RHBDD1: variants seen among roughly 807,000 people sequenced by gnomAD.
RHBDD1 encodes rhomboid domain containing 1, also known as rhomboid-related protein 4.
A neutral mutation model predicts 36.3 loss-of-function variants in RHBDD1; 38 were observed. The ratio of observed to expected loss-of-function variants is 1.05; its 90% CI spans 0.81 to 1.37. RHBDD1 has a LOEUF of 1.37. Among genes scored for constraint, RHBDD1 ranks in the 40% most tolerant of loss-of-function variants. RHBDD1 has a pLI of 0.00. For missense variants in RHBDD1, 393 were observed against 377.6 expected (o/e 1.04, Z -0.34); for synonymous variants, 151 against 136.5 (o/e 1.11, Z -0.74).
At chr2:226,906,989 C>T (rs768474008) in intron 6 of RHBDD1, 108 bp downstream of exon 6, 1 of 1,098,056 alleles carries the variant, frequency 9.1e-7, no homozygotes. Context: ...CAAGAATTCC[C>T]TAATATGCCT....
chr2:226,853,255 C>A (rs891711535), intron 3 of RHBDD1, among the ~76,000 whole-genome samples: 1 of 152,140 alleles, frequency 6.6e-6, no homozygotes, highest in Non-Finnish European at 1.5e-5. Context: ...TCTAAATGTT[C>A]CTGGTCTAGT....
upstream of RHBDD1, among the ~76,000 whole-genome samples, chr2:226,832,070 G>A (rs939801867): frequency 4.7e-5 from 7 of 149,338 alleles, no homozygotes; most frequent in South Asian, 2.1e-4. Context: ...AAAGGTTTAC[G>A]TTCCTCCTCT....
intron 8 of RHBDD1, among the ~76,000 whole-genome samples, chr2:226,916,646 G>A (rs1331533843): frequency 3.3e-5 from 5 of 152,206 alleles, no homozygotes; most frequent in African/African-American, 1.2e-4. Context: ...TTAAGAAAAT[G>A]TGTATTCTAA....
intron 3 of RHBDD1, among the ~76,000 whole-genome samples, chr2:226,861,242 G>A (rs925384555): frequency 6.6e-6 from 1 of 152,176 alleles, no homozygotes; most frequent in African/African-American, 2.4e-5. Flanking sequence ...AGTGTGTGCA[G>A]GAGAGAGTAG....
chr2:226,880,255 C>T (rs1945604401), intron 5 of RHBDD1, among the ~76,000 whole-genome samples: 1 of 152,078 alleles, frequency 6.6e-6, no homozygotes, highest in Non-Finnish European at 1.5e-5. Context: ...ATCAACATTC[C>T]AGGACTGTCC....
rs1288396297 is a variant in RHBDD1, at chr2:226,864,850, T to C, written c.157T>C (p.Cys53Arg). 6.2e-7 allele frequency: 1 copy of C among 1,614,250 alleles called. No homozygotes were observed. The highest frequency in any genetic ancestry group is 8.5e-7 in the Non-Finnish European group (1 of 1,180,050). ...CCCTCAGAAGCCACTGTATAGCTCC[T>C]GCCTTAGTGTGGAGAAGTGTTACCA... ...LNPQKPLYSS[C>R]LSVEKCYQQK... Residue 53 changes from cysteine (C) to arginine (R), a missense_variant, in exon 4 of 9, where the codon TGC becomes CGC. By Grantham distance (180) the Cys-to-Arg change is radical. Transcript: ENST00000392062.
intron 4 of RHBDD1, 127 bp from the exon 5 acceptor site, chr2:226,867,059 T>C: frequency 2.3e-6 from 2 of 881,152 alleles, no homozygotes; most frequent in East Asian, 2.6e-5. Context: ...AGGAATAGGG[T>C]ATGTTTTAAA....
intron 5 of RHBDD1, chr2:226,869,033 C>A: frequency 3.6e-6 from 1 of 278,508 alleles, no homozygotes; most frequent in Non-Finnish European, 5.4e-6. Context: ...GAAAATCACT[C>A]CCTCTGCTAT....
intron 3 of RHBDD1, among the ~76,000 whole-genome samples, chr2:226,856,214 A>T (rs1314830062): frequency 6.6e-6 from 1 of 152,218 alleles, no homozygotes; most frequent in Non-Finnish European, 1.5e-5. Context: ...CACAATTTAC[A>T]TGTTATTCAA....
chr2:226,991,721 A>G (rs1958257947), intron 8 of RHBDD1, among the ~76,000 whole-genome samples: 1 of 152,206 alleles, frequency 6.6e-6, no homozygotes, highest in Non-Finnish European at 1.5e-5. Context: ...GACCAAGAGC[A>G]AGAGGGTAGC....
chr2:226,854,202 T>G (rs1943100004), intron 3 of RHBDD1, among the ~76,000 whole-genome samples: 1 of 152,204 alleles, frequency 6.6e-6, no homozygotes, highest in African/African-American at 2.4e-5. Context: ...CTAAGTGTTT[T>G]ACCTATATTA....
At chr2:226,872,845 A>G (rs1280824524) in intron 5 of RHBDD1, among the ~76,000 whole-genome samples, 1 of 152,252 alleles carries the variant, frequency 6.6e-6, no homozygotes. Flanking sequence ...TGAGAATTAT[A>G]AACACAGGAA....
intron 8 of RHBDD1, among the ~76,000 whole-genome samples, chr2:226,953,214 A>T (rs998594849): frequency 2.6e-5 from 4 of 152,182 alleles, no homozygotes; most frequent in Non-Finnish European, 5.9e-5. Context: ...TTAGAGAGGA[A>T]TGAAATTTTT....
chr2:226,816,614 G>A, the RHBDD1 span, among the ~76,000 whole-genome samples: 51 of 152,242 alleles, frequency 3.3e-4, no homozygotes, highest in African/African-American at 1.1e-3. Context: ...CATAGGTCTA[G>A]GCCAGGCACA....
At chr2:226,854,749 T>G (rs1943159372) in intron 3 of RHBDD1, among the ~76,000 whole-genome samples, 1 of 152,182 alleles carries the variant, frequency 6.6e-6, no homozygotes, top group Non-Finnish European at 1.5e-5. Context: ...TAAAGATATT[T>G]TTTCCATAAA....
At chr2:226,919,745 G>C (rs1221641408) in intron 8 of RHBDD1, among the ~76,000 whole-genome samples, 1 of 152,060 alleles carries the variant, frequency 6.6e-6, no homozygotes, top group Non-Finnish European at 1.5e-5. Flanking sequence ...ATAATTCAAA[G>C]TGGGGTTATG....
rs188299786 is a variant in RHBDD1, at chr2:226,920,080, G to A, written c.856+5729G>A. ...TCCTAGGCATTTTATTTTACTTGTAGCTATTTTAAATATTTGTATTTAAAT... is the reference window on the plus strand; with the variant it reads ...TCCTAGGCATTTTATTTTACTTGTAACTATTTTAAATATTTGTATTTAAAT... On this transcript the variant is annotated intron_variant, in intron 8 of 8. Transcript: ENST00000392062. Among the ~76,000 whole-genome samples the A allele has an allele frequency of 2.9e-3, 446 of 151,422 alleles. 3 individuals carry two copies. The highest frequency in any genetic ancestry group is 0.014 in the Middle Eastern group (4 of 292).
chr2:226,818,870 C>T, the RHBDD1 span, among the ~76,000 whole-genome samples: 1 of 151,796 alleles, frequency 6.6e-6, no homozygotes, highest in East Asian at 1.9e-4. Context: ...AACAAAAAAA[C>T]AAAAAACAGA....
chr2:226,821,649 C>G, the RHBDD1 span, among the ~76,000 whole-genome samples: 1 of 151,944 alleles, frequency 6.6e-6, no homozygotes, highest in Non-Finnish European at 1.5e-5. Flanking sequence ...CTTCTGACTA[C>G]TTCTTGGTCC....
Sources: gnomAD v4.1 joint callset for allele counts (sites outside exome capture counted in the v4.1 genomes callset) on GRCh38, gnomAD v4.1.1 for gene constraint, MANE v1.5 for transcripts, NCBI Gene and HGNC (gene_info 2026-07-23, HGNC 2026-07-21) for gene names.